The following DOCK1 variants were observed in gnomAD, a reference collection of about 807,000 sequenced individuals.
DOCK1 encodes the protein dedicator of cytokinesis 1.
Under a neutral mutation model 262.7 loss-of-function variants are expected in DOCK1, and 138 were observed. The ratio of observed to expected loss-of-function variants is 0.53; its 90% CI spans 0.46 to 0.61. The LOEUF (loss-of-function observed/expected upper bound fraction) is 0.61. Among genes scored for constraint, DOCK1 ranks in the 20% least tolerant of loss-of-function variants. The pLI, the probability that DOCK1 is intolerant of heterozygous loss-of-function variation, is 0.00. For synonymous variants in DOCK1, 866 were observed against 867.4 expected, an observed-to-expected ratio of 1.00 and a Z score of 0.03; for missense variants, 1,908 against 2,370.7, an observed-to-expected ratio of 0.80 and a Z score of 4.05.
At chr10:127,366,539 A>G (rs2064923873) in intron 33 of DOCK1, among the ~76,000 whole-genome samples, 1 of 152,098 alleles carries the variant, frequency 6.6e-6, no homozygotes, top group Admixed American at 6.5e-5. Context: ...GCACTAGTCC[A>G]GGATTATTCC....
chr10:127,071,154 T>C (rs2046209947), intron 23 of DOCK1, among the ~76,000 whole-genome samples: 1 of 152,164 alleles, frequency 6.6e-6, no homozygotes, highest in African/African-American at 2.4e-5. Flanking sequence ...TGGGTCCAAA[T>C]GCTCCCCATT....
At chr10:127,379,810 A>G (rs1461137799) in intron 35 of DOCK1, among the ~76,000 whole-genome samples, 1 of 152,210 alleles carries the variant, frequency 6.6e-6, no homozygotes, top group African/African-American at 2.4e-5. Flanking sequence ...CCTTGTTTTA[A>G]TTGAAGACAA....
intron 29 of DOCK1, among the ~76,000 whole-genome samples, chr10:127,320,032 C>T (rs2720974): frequency 1.7e-3 from 257 of 152,262 alleles, no homozygotes; most frequent in African/African-American, 5.8e-3. Context: ...CGTGGGCTGT[C>T]GTAGCAGAGC....
intron 33 of DOCK1, among the ~76,000 whole-genome samples, chr10:127,362,913 ACACACATATACACATGCACATCCCCC>A (rs1293507154): frequency 2.2e-4 from 18 of 81,008 alleles, no homozygotes; most frequent in South Asian, 4.5e-4. Flanking sequence ...ACATCTCCAC[ACACACATATACACATGCACATCCCCC>A]CACACACATA....
At chr10:127,119,355 A>T (rs1490673025) in intron 25 of DOCK1, among the ~76,000 whole-genome samples, 1 of 152,164 alleles carries the variant, frequency 6.6e-6, no homozygotes, top group East Asian at 1.9e-4. Flanking sequence ...CGGAATAGAC[A>T]TCTAATAATT....
chr10:127,258,672 C>T (rs1444774749), intron 29 of DOCK1, among the ~76,000 whole-genome samples: 1 of 152,210 alleles, frequency 6.6e-6, no homozygotes, highest in East Asian at 1.9e-4. Flanking sequence ...TGGACAAATG[C>T]TGGCTTGTTG....
chr10:127,082,633 C>T lies in DOCK1; in HGVS notation c.2445+20857C>T, dbSNP rs544754615. ...CAATACATGGGGATGATGGGAGCTA[C>T]AATTAAAGATGCAATTTGGGTGGGG... On this transcript the variant is annotated intron_variant, in intron 23 of 51. Transcript: ENST00000623213. Among the ~76,000 whole-genome samples, 4 of 152,086 alleles carry T rather than the reference C, an allele frequency of 2.6e-5. No homozygotes were observed. In the East Asian group the frequency reaches 7.7e-4, roughly 29 times the overall value.
intron 22 of DOCK1, among the ~76,000 whole-genome samples, chr10:127,053,894 G>GA (rs2044940560): frequency 6.6e-6 from 1 of 152,088 alleles, no homozygotes; most frequent in Non-Finnish European, 1.5e-5. Context: ...TTTGGGGGAT[G>GA]GCTATTTTGT....
At chr10:127,036,939 T>C (rs2135575322) in intron 18 of DOCK1, among the ~76,000 whole-genome samples, 1 of 143,514 alleles carries the variant, frequency 7.0e-6, no homozygotes, top group African/African-American at 2.6e-5. Flanking sequence ...ATTGCGCCAT[T>C]GCACTCCAGC....
intron 4 of DOCK1, among the ~76,000 whole-genome samples, chr10:126,984,660 C>T (rs916682957): frequency 3.3e-5 from 5 of 151,936 alleles, no homozygotes; most frequent in African/African-American, 9.7e-5. Context: ...TGAGCCACCG[C>T]ACCCGGCCAA....
chr10:127,160,896 C>T (rs539626341), intron 27 of DOCK1, among the ~76,000 whole-genome samples: 82 of 152,330 alleles, frequency 5.4e-4, no homozygotes, highest in African/African-American at 1.6e-3. Flanking sequence ...TGTCTCTTCT[C>T]GATAACTAAG....
At chr10:127,373,596 C>G (rs1218381604) in intron 33 of DOCK1, among the ~76,000 whole-genome samples, 185 bp from the exon 34 acceptor site, 1 of 152,098 alleles carries the variant, frequency 6.6e-6, no homozygotes, top group East Asian at 1.9e-4. Flanking sequence ...AGAGGTCCCC[C>G]TATGGCAAGG....
intron 39 of DOCK1, 94 bp downstream of exon 39, chr10:127,403,238 C>A: frequency 7.6e-7 from 1 of 1,314,540 alleles, no homozygotes; most frequent in Non-Finnish European, 1.1e-6. Context: ...AGGGTTCACC[C>A]CAGGCACTCT....
intron 23 of DOCK1, 97 bp from the exon 24 acceptor site, chr10:127,106,134 C>A: frequency 8.1e-7 from 1 of 1,230,088 alleles, no homozygotes; most frequent in Non-Finnish European, 1.1e-6. Flanking sequence ...TCTTTCTCTT[C>A]TCAGTATTTC....
chr10:127,063,667 G>A (rs1354524391), intron 23 of DOCK1, among the ~76,000 whole-genome samples: 9 of 152,188 alleles, frequency 5.9e-5, no homozygotes, highest in African/African-American at 1.9e-4. Context: ...AAAAACAGAC[G>A]TGTGTAGTGT....
rs1190523898 is a variant in DOCK1, at chr10:127,452,200, T to G, written c.*773T>G. 1.3e-5 allele frequency: 2 copies of G among 152,662 alleles called. No individual in the cohort carries two copies. Among genetic ancestry groups the G allele is most frequent in the African/African-American group, 4.8e-5 (2 of 41,448 alleles). The allele number at this position is 152,662 out of a possible 1,614,324, so 9.5% of individuals were successfully genotyped here. ...TACAGAAATTTGTATATATGATGGT[T>G]CTTAGAACTTGTTTTAATTTTTGTG... On this transcript the variant is annotated 3_prime_UTR_variant, in exon 52 of 52. Coordinates refer to ENST00000623213, the MANE Select transcript of DOCK1 (RefSeq NM_001290223.2).
At chr10:127,433,134 C>G (rs2069414779) in intron 47 of DOCK1, 149 bp from the exon 48 acceptor site, 1 of 1,099,292 alleles carries the variant, frequency 9.1e-7, no homozygotes, top group African/African-American at 1.6e-5. Context: ...TTTTTGTCTT[C>G]CACTCAGAAC....
chr10:127,353,507 C>T (rs1005631918), intron 31 of DOCK1, among the ~76,000 whole-genome samples: 4 of 152,230 alleles, frequency 2.6e-5, no homozygotes, highest in Non-Finnish European at 5.9e-5. Flanking sequence ...CCTCTCCTAC[C>T]ATGGCCTCAA....
At chr10:127,116,827 T>C (rs535590769) in intron 25 of DOCK1, among the ~76,000 whole-genome samples, 1 of 152,336 alleles carries the variant, frequency 6.6e-6, no homozygotes, top group Non-Finnish European at 1.5e-5. Context: ...ACCACTCATA[T>C]AGCATTCTGC....
Sources: gnomAD v4.1 joint callset for allele counts (sites outside exome capture counted in the v4.1 genomes callset) on GRCh38, gnomAD v4.1.1 for gene constraint, MANE v1.5 for transcripts, NCBI Gene and HGNC (gene_info 2026-07-23, HGNC 2026-07-21) for gene names.